The following ZNF793 variants were observed in gnomAD, a reference collection of about 807,000 sequenced individuals.
ZNF793 encodes the protein zinc finger protein 793.
In ZNF793, 5 loss-of-function variants were observed where a neutral mutation model predicts 12.4. That is an observed-to-expected ratio of 0.40 (90% CI 0.21 to 0.84). The LOEUF (loss-of-function observed/expected upper bound fraction) is 0.84. Ranked by LOEUF, ZNF793 falls within the 40% of genes least tolerant of loss-of-function variation. ZNF793 has a pLI of 0.35. For synonymous variants in ZNF793, 162 were observed against 172.4 expected (o/e 0.94, Z 0.47); for missense variants, 456 against 495.0 (o/e 0.92, Z 0.75).
Position 37,510,766 on chromosome 19 carries a change from G to C in ZNF793, c.-276+2363G>C, listed in dbSNP as rs1030834335. On this transcript the variant is annotated intron_variant, in intron 2 of 7. Coordinates refer to ENST00000627814, the MANE Select transcript of ZNF793 (RefSeq NM_001013659.3). ...GGCTGGAGTGCAGTGGCACGATCTC[G>C]GCTTACTGCAACCCCTGCCTCCCAG... 3.3e-5 allele frequency among the ~76,000 whole-genome samples: 5 copies of C among 150,638 alleles called. 1 individual carries two copies. The highest frequency in any genetic ancestry group is 3.3e-4 in the Admixed American group (5 of 15,146).
chr19:37,523,931 C>A (rs1031723955), intron 5 of ZNF793, among the ~76,000 whole-genome samples: 12 of 152,004 alleles, frequency 7.9e-5, no homozygotes, highest in African/African-American at 2.9e-4. Flanking sequence ...AGTTGCATAA[C>A]CTGAGGTCAG....
chr19:37,533,693 T>G, intron 7 of ZNF793: 1 of 488,776 alleles, frequency 2.0e-6, no homozygotes, highest in Non-Finnish European at 3.6e-6. Flanking sequence ...TCCTGCTTCC[T>G]ATTCTCTGTT....
chr19:37,519,249 G>A (rs748825146), intron 2 of ZNF793, among the ~76,000 whole-genome samples: 1 of 152,238 alleles, frequency 6.6e-6, no homozygotes, highest in East Asian at 1.9e-4. Flanking sequence ...CTGGGCAGCA[G>A]AGCAAGACTC....
At chr19:37,530,241 C>G (rs1230428391) in intron 5 of ZNF793, among the ~76,000 whole-genome samples, 1 of 152,156 alleles carries the variant, frequency 6.6e-6, no homozygotes, top group Non-Finnish European at 1.5e-5. Context: ...GGTTTTATAC[C>G]GAGACATTCC....
chr19:37,532,838 A>T lies in ZNF793; in HGVS notation c.142+356A>T, dbSNP rs538976192. Among the ~76,000 whole-genome samples, 6 of 152,310 alleles carry T rather than the reference A, an allele frequency of 3.9e-5. No homozygotes were observed. The South Asian group carries it at 1.2e-3, about 32-fold the overall frequency. On this transcript the variant is annotated intron_variant, in intron 6 of 7. Transcript: ENST00000627814. The stretch of plus-strand genomic sequence containing the variant: ...GTCTCAAAAAATAAAAAATAAAAAA[A>T]AAGCAACGGAAGTACTCTAGAACTT...
chr19:37,533,415 A>C lies in ZNF793; in HGVS notation c.238+12A>C, dbSNP rs1228969930. The C allele has an allele frequency of 1.9e-6, 3 of 1,611,828 alleles. No homozygotes were observed. Among genetic ancestry groups the C allele is most frequent in the Non-Finnish European group, 2.5e-6 (3 of 1,178,054 alleles). The stretch of plus-strand genomic sequence containing the variant: ...CTGCCACTGTTGGGGTAAGTGTGAT[A>C]AATCTAGCAAAAGGGGTACTGAAGG... On this transcript the variant is annotated intron_variant, in intron 7 of 7. Coordinates refer to ENST00000627814, the MANE Select transcript of ZNF793 (RefSeq NM_001013659.3).
chr19:37,514,575 CAGATAGATAGAT>C (rs57773647), intron 2 of ZNF793, among the ~76,000 whole-genome samples: 39,433 of 149,114 alleles, frequency 0.26, 6,130 homozygotes, highest in African/African-American at 0.43. Context: ...GATAGATAGA[CAGATAGATAGAT>C]AGATAGATAG....
intron 2 of ZNF793, among the ~76,000 whole-genome samples, chr19:37,508,672 C>A (rs566641846): frequency 1.3e-5 from 2 of 152,012 alleles, no homozygotes; most frequent in South Asian, 4.2e-4. Context: ...TACCACTGCA[C>A]TCCAGCCCGG....
chr19:37,507,871 A>G (rs1169337488), intron 1 of ZNF793, among the ~76,000 whole-genome samples: 2 of 152,188 alleles, frequency 1.3e-5, no homozygotes, highest in African/African-American at 2.4e-5. Flanking sequence ...AATATCAGTG[A>G]CTATGAAAAC....
chr19:37,510,307 C>T (rs2042283251), intron 2 of ZNF793, among the ~76,000 whole-genome samples: 1 of 151,266 alleles, frequency 6.6e-6, no homozygotes, highest in Non-Finnish European at 1.5e-5. Flanking sequence ...GAGTTCAAGA[C>T]CAGCCTGGCC....
chr19:37,508,756 A>G (rs1373332015), intron 2 of ZNF793, among the ~76,000 whole-genome samples: 2 of 152,212 alleles, frequency 1.3e-5, no homozygotes, highest in Non-Finnish European at 2.9e-5. Context: ...ATGATAATGT[A>G]AAAGATTTGG....
chr19:37,517,286 TATCTACAGCTGGAGGTGATTTTAGTA>T (rs1345395663), intron 2 of ZNF793, among the ~76,000 whole-genome samples: 13 of 152,180 alleles, frequency 8.5e-5, no homozygotes, highest in Non-Finnish European at 1.2e-4. Flanking sequence ...TTTTAGTCTG[TATCTACAGCTGGAGGTGATTTTAGTA>T]ATCTACAGCT....
intron 2 of ZNF793, among the ~76,000 whole-genome samples, chr19:37,515,625 G>T (rs999588407): frequency 6.6e-6 from 1 of 152,060 alleles, no homozygotes; most frequent in Non-Finnish European, 1.5e-5. Context: ...TTTTTTTATT[G>T]CAGTCAGTAA....
intron 5 of ZNF793, among the ~76,000 whole-genome samples, chr19:37,528,437 A>C (rs2042433257): frequency 6.6e-6 from 1 of 151,634 alleles, no homozygotes; most frequent in African/African-American, 2.4e-5. Flanking sequence ...CAAAGCCCTC[A>C]TTATAAACCA....
At chr19:37,533,486 C>G in intron 7 of ZNF793, 83 bp downstream of exon 7, 1 of 1,211,838 alleles carries the variant, frequency 8.3e-7, no homozygotes, top group Non-Finnish European at 1.2e-6. Context: ...CTCTTAAAAG[C>G]CTTGAAAGTC....
At chr19:37,515,476 T>A (rs914802129) in intron 2 of ZNF793, among the ~76,000 whole-genome samples, 12 of 151,844 alleles carry the variant, frequency 7.9e-5, no homozygotes, top group Admixed American at 3.9e-4. Flanking sequence ...CCCGGCCAAT[T>A]TTTTTGTATT....
chr19:37,511,847 G>A (rs2147057959), intron 2 of ZNF793, among the ~76,000 whole-genome samples: 1 of 152,272 alleles, frequency 6.6e-6, no homozygotes, highest in African/African-American at 2.4e-5. Context: ...ACTCTTCTCA[G>A]TAGGTAGTTT....
intron 2 of ZNF793, among the ~76,000 whole-genome samples, chr19:37,509,474 C>G (rs1431215103): frequency 1.3e-5 from 2 of 152,206 alleles, no homozygotes; most frequent in Admixed American, 6.5e-5. Context: ...CCTGTAGCAT[C>G]TTAAGAAATA....
At position 37,537,760 on chromosome 19, in the gene ZNF793, G is replaced by A; in HGVS notation, c.1102G>A (p.Gly368Arg). The change falls in exon 8 of 8, where the codon GGG (glycine) becomes AGG (arginine). Residue 368 changes from glycine to arginine, a missense_variant. Coordinates refer to ENST00000627814, the MANE Select transcript of ZNF793 (RefSeq NM_001013659.3). ...AACTCACACAGGAGAGAAGCCCTAT[G>A]GGTGCAATGAATGTGGGAAAGCTTT... ...WRTHTGEKPY[G>R]CNECGKAFYQ... 1.9e-6 allele frequency: 3 copies of A among 1,614,104 alleles called. No individual in the cohort carries two copies. The highest frequency in any genetic ancestry group is 2.5e-6 in the Non-Finnish European group (3 of 1,179,980).
Sources: allele counts gnomAD v4.1 joint callset (sites outside exome capture counted in the v4.1 genomes callset), GRCh38; gene constraint gnomAD v4.1.1; transcripts MANE v1.5; gene names NCBI Gene and HGNC (gene_info 2026-07-23, HGNC 2026-07-21).